Variants in MAML3 observed in about 807,000 individuals in gnomAD.
MAML3 encodes the protein mastermind-like protein 3.
MAML3 carries 27 observed loss-of-function variants against 101.9 expected under a neutral mutation model. The ratio of observed to expected loss-of-function variants is 0.27; its 90% CI spans 0.20 to 0.37. The LOEUF (loss-of-function observed/expected upper bound fraction) is 0.37, where lower values mean the gene tolerates loss of function less well. MAML3 is among the 10% of genes least tolerant of loss of function. MAML3 has a pLI of 1.00. For synonymous variants in MAML3, 501 were observed against 555.9 expected (o/e 0.90, Z 1.39); for missense variants, 1,316 against 1,444.9 (o/e 0.91, Z 1.45).
chr4:139,995,919 C>G (rs1734799732), intron 1 of MAML3, among the ~76,000 whole-genome samples: 1 of 151,874 alleles, frequency 6.6e-6, no homozygotes, highest in Non-Finnish European at 1.5e-5. Context: ...TTTAAATAGG[C>G]AATAAAAGCT....
chr4:140,034,675 C>T (rs1483970966), intron 1 of MAML3, among the ~76,000 whole-genome samples: 1 of 152,180 alleles, frequency 6.6e-6, no homozygotes, highest in African/African-American at 2.4e-5. Context: ...TGCTTACTAG[C>T]TCTGTGAAGA....
At chr4:139,966,417 T>C (rs1734131376) in intron 1 of MAML3, among the ~76,000 whole-genome samples, 1 of 152,140 alleles carries the variant, frequency 6.6e-6, no homozygotes, top group Non-Finnish European at 1.5e-5. Context: ...CAAGGATTTT[T>C]CATGTTAGAA....
intron 1 of MAML3, among the ~76,000 whole-genome samples, chr4:140,056,128 C>T (rs1727344768): frequency 6.6e-6 from 1 of 152,182 alleles, no homozygotes; most frequent in African/African-American, 2.4e-5. Flanking sequence ...TACTGGAAAG[C>T]ACTGGGGCGC....
chr4:139,721,888 C>T (rs773859093), intron 4 of MAML3, among the ~76,000 whole-genome samples: 11 of 152,028 alleles, frequency 7.2e-5, no homozygotes, highest in East Asian at 5.8e-4. Context: ...GTGACCTTAA[C>T]GACTAAATTT....
At chr4:140,089,854 C>T (rs1560889987) in intron 1 of MAML3, among the ~76,000 whole-genome samples, 2 of 152,174 alleles carry the variant, frequency 1.3e-5, no homozygotes, top group East Asian at 3.8e-4. Flanking sequence ...AACTCCTGGC[C>T]TCAAGCCATC....
chr4:140,071,789 A>AGAGAGAGAGAGAGAGAGAGAGAGAG, intron 1 of MAML3, among the ~76,000 whole-genome samples: 1 of 90,364 alleles, frequency 1.1e-5, no homozygotes, highest in Non-Finnish European at 2.4e-5. Flanking sequence ...GAGAGAGAGA[A>AGAGAGAGAGAGAGAGAGAGAGAGAG]GGCACGCATC....
At chr4:139,826,191 G>A (rs1040700764) in intron 2 of MAML3, among the ~76,000 whole-genome samples, 2 of 152,016 alleles carry the variant, frequency 1.3e-5, no homozygotes, top group African/African-American at 2.4e-5. Flanking sequence ...ATCCATTTGA[G>A]CCATCCTGAC....
intron 1 of MAML3, among the ~76,000 whole-genome samples, chr4:139,902,702 C>CT (rs1306777200): frequency 6.6e-6 from 1 of 152,184 alleles, no homozygotes; most frequent in Non-Finnish European, 1.5e-5. Flanking sequence ...TGGGGCAAAG[C>CT]GGCTCGGCTT....
intron 2 of MAML3, among the ~76,000 whole-genome samples, chr4:139,797,747 C>T (rs111744025): frequency 4.6e-5 from 7 of 152,184 alleles, no homozygotes; most frequent in African/African-American, 1.7e-4. Context: ...ATATGTCTAT[C>T]CCCTGCACCC....
intron 2 of MAML3, chr4:139,740,142 C>G (rs1337307426): frequency 1.3e-5 from 2 of 152,210 alleles, no homozygotes; most frequent in Non-Finnish European, 2.9e-5. Context: ...TCCAAGAATT[C>G]TTTGGTCTAC....
At chr4:139,747,193 C>G (rs984546101) in intron 2 of MAML3, among the ~76,000 whole-genome samples, 1 of 152,096 alleles carries the variant, frequency 6.6e-6, no homozygotes, top group Admixed American at 6.5e-5. Flanking sequence ...TCTATTTGAA[C>G]CCTTAAAGCT....
intron 1 of MAML3, among the ~76,000 whole-genome samples, chr4:140,056,091 G>T (rs1055133066): frequency 6.6e-6 from 1 of 152,210 alleles, no homozygotes; most frequent in East Asian, 1.9e-4. Flanking sequence ...GAGAAGAAAG[G>T]ATGGCTGAGA....
chr4:140,124,463 C>T (rs1397489597), intron 1 of MAML3, among the ~76,000 whole-genome samples: 1 of 152,142 alleles, frequency 6.6e-6, no homozygotes, highest in African/African-American at 2.4e-5. Context: ...GAGGGAAACA[C>T]GCTCAGACAT....
chr4:139,895,439 C>T (rs1732589202), intron 1 of MAML3, among the ~76,000 whole-genome samples: 1 of 152,118 alleles, frequency 6.6e-6, no homozygotes, highest in African/African-American at 2.4e-5. Context: ...CCTTGGTTTC[C>T]TTACCTGCAA....
rs777539187 is a variant in MAML3, at chr4:139,890,424, CCTT to C, written c.1009_1011del (p.Lys337del). On this transcript the variant is annotated inframe_deletion, in exon 2 of 5. Coordinates refer to ENST00000509479, the MANE Select transcript of MAML3 (RefSeq NM_018717.5). This position sits in a 1 kb window ranked among gnomAD's most constrained non-coding sequence, Gnocchi z 4.1. Reference sequence around the variant, plus strand: ...GTTGCTGGCTGCGAGAATTCTGGCTCCTTCTTCTCTTCAAAGTCTTCGTTGAAC... The same window carrying C: ...GTTGCTGGCTGCGAGAATTCTGGCTCCTTCTCTTCAAAGTCTTCGTTGAAC... The C allele has an allele frequency of 1.3e-4, 207 of 1,607,636 alleles. No individual in the cohort carries two copies. Among genetic ancestry groups the C allele is most frequent in the Non-Finnish European group, 3.6e-5 (42 of 1,175,162 alleles).
intron 1 of MAML3, among the ~76,000 whole-genome samples, chr4:139,909,976 A>C (rs529574876): frequency 3.3e-5 from 5 of 152,120 alleles, no homozygotes; most frequent in Admixed American, 6.6e-5. Context: ...CTGTTAATTA[A>C]ATGAGAGGAG....
At chr4:140,122,425 T>C (rs532392259) in intron 1 of MAML3, among the ~76,000 whole-genome samples, 1 of 152,180 alleles carries the variant, frequency 6.6e-6, no homozygotes, top group African/African-American at 2.4e-5. Flanking sequence ...TTTCACCATG[T>C]TGGCCAGGCT....
In MAML3 at chr4:140,091,537, C is replaced by CAAAAAAAAA. The variant is rs570700966; in HGVS notation, c.468+61322_468+61323insTTTTTTTTT. On this transcript the variant is annotated intron_variant, in intron 1 of 4. Transcript: ENST00000509479. Reference sequence around the variant, plus strand: ...TGTAAAACAAAACAAAACAACAAAACAAAAACAAAACAAAAAAAAAAAACA... The same window carrying CAAAAAAAAA: ...TGTAAAACAAAACAAAACAACAAAACAAAAAAAAAAAAAACAAAACAAAAAAAAAAAACA... 5.9e-4 allele frequency among the ~76,000 whole-genome samples: 42 copies of CAAAAAAAAA among 71,548 alleles called. 1 individual carries two copies. The highest frequency in any genetic ancestry group is 9.9e-4 in the African/African-American group (21 of 21,272). The allele number at this position is 71,548 out of a possible 152,430, so 46.9% of individuals were successfully genotyped here. A position where few individuals can be genotyped will look rare whatever the true frequency, so the allele number is the denominator to read the frequency against.
rs1439913737 is a variant in MAML3, at chr4:140,043,800, T to G, written c.468+109060A>C. 2.6e-5 allele frequency among the ~76,000 whole-genome samples: 4 copies of G among 152,286 alleles called. No homozygotes were observed. The East Asian group carries it at 7.7e-4, about 29-fold the overall frequency. On this transcript the variant is annotated intron_variant, in intron 1 of 4. Transcript: ENST00000509479. Reference sequence around the variant, plus strand: ...GACAGAAAAGTACGTTGAAAATCAGTGAAGACTCACACATAGAATCAATTT... The same window carrying G: ...GACAGAAAAGTACGTTGAAAATCAGGGAAGACTCACACATAGAATCAATTT...
Sources: allele counts gnomAD v4.1 joint callset (sites outside exome capture counted in the v4.1 genomes callset), GRCh38; gene constraint gnomAD v4.1.1; non-coding constraint Gnocchi (gnomAD v3.1); transcripts MANE v1.5; gene names NCBI Gene and HGNC (gene_info 2026-07-23, HGNC 2026-07-21).